Variants in SPRYD4 observed in about 807,000 individuals in gnomAD.
SPRYD4 encodes the protein SPRY domain-containing protein 4.
Under a neutral mutation model 16.6 loss-of-function variants are expected in SPRYD4, and 12 were observed. That is an observed-to-expected ratio of 0.72 (90% CI 0.46 to 1.17). SPRYD4 has a LOEUF of 1.17. Ranked by LOEUF, SPRYD4 falls within the 50% of genes most tolerant of loss-of-function variation. The pLI is 0.00. For missense variants in SPRYD4, 260 were observed against 260.2 expected, an observed-to-expected ratio of 1.00 and a Z score of 0.00; for synonymous variants, 98 against 105.4, an observed-to-expected ratio of 0.93 and a Z score of 0.43.
Position 56,479,622 on chromosome 12 carries a change from G to A in SPRYD4, c.*10045G>A. The A allele has an allele frequency of 1.2e-6, 1 of 841,772 alleles. No individual in the cohort carries two copies. Among genetic ancestry groups the A allele is most frequent in the Non-Finnish European group, 1.7e-6 (1 of 594,368 alleles). 52.1% of individuals were successfully genotyped at this position (841,772 alleles called of 1,614,324 possible). A position where few individuals can be genotyped will look rare whatever the true frequency, so the allele number is the denominator to read the frequency against. On this transcript the variant is annotated 3_prime_UTR_variant, in exon 2 of 2. Coordinates refer to ENST00000338146, the MANE Select transcript of SPRYD4 (RefSeq NM_207344.4). The stretch of plus-strand genomic sequence containing the variant: ...GAGAACATGTATTTCTATATTGTTT[G>A]AACTCTTATGATGAGTATTCATGTA...
In SPRYD4 at chr12:56,475,242, C is replaced by T. The variant is rs1442435680; in HGVS notation, c.*5665C>T. The T allele has an allele frequency of 6.3e-7, 1 of 1,583,454 alleles. No individual in the cohort carries two copies. The highest frequency in any genetic ancestry group is 8.5e-7 in the Non-Finnish European group (1 of 1,170,614). On this transcript the variant is annotated 3_prime_UTR_variant, in exon 2 of 2. Transcript: ENST00000338146. ...AAATGAACCCCTTTATAACTTCTCA[C>T]AGTAATATTAGAGGAAATTTCTGAA... is the stretch of plus-strand genomic sequence containing the variant.
rs1592269999 is a variant in SPRYD4, at chr12:56,469,805, C to T, written c.*228C>T. 5 of 570,508 alleles carry T rather than the reference C, an allele frequency of 8.8e-6. No individual in the cohort carries two copies. The East Asian group carries it at 1.5e-4, about 17-fold the overall frequency. The allele number at this position is 570,508 out of a possible 1,614,324, so 35.3% of individuals were successfully genotyped here. A position where few individuals can be genotyped will look rare whatever the true frequency, so the allele number is the denominator to read the frequency against. On this transcript the variant is annotated 3_prime_UTR_variant, in exon 2 of 2. Transcript: ENST00000338146. ...AACTACTGCCAATTTCCTAGGCTAC[C>T]ATGGGTGTATCTTCCTTGACCTGCT...
In SPRYD4 at chr12:56,473,917, GATAA is replaced by G. The variant is rs1003394894; in HGVS notation, c.*4344_*4347del. On this transcript the variant is annotated 3_prime_UTR_variant, in exon 2 of 2. Coordinates refer to ENST00000338146, the MANE Select transcript of SPRYD4 (RefSeq NM_207344.4). ...GACACGTAATGTTTAAAGTAATTGT[GATAA>G]ATAGTGAGAAGTAGGGTGCTGTAAA... 8.0e-5 allele frequency: 18 copies of G among 226,296 alleles called. No individual in the cohort carries two copies. Among genetic ancestry groups the G allele is most frequent in the African/African-American group, 3.0e-4 (13 of 43,620 alleles). 14.0% of individuals were successfully genotyped at this position (226,296 alleles called of 1,614,324 possible).
At chr12:56,468,806 C>A in intron 1 of SPRYD4, 130 bp downstream of exon 1, 1 of 1,126,888 alleles carries the variant, frequency 8.9e-7, no homozygotes, top group South Asian at 1.4e-5. Context: ...TCTTAAGATT[C>A]CAAACCTGTG....
chr12:56,474,875 T>A lies in SPRYD4; in HGVS notation c.*5298T>A. On this transcript the variant is annotated 3_prime_UTR_variant, in exon 2 of 2. Coordinates refer to ENST00000338146, the MANE Select transcript of SPRYD4 (RefSeq NM_207344.4). Reference sequence around the variant, plus strand: ...AAGTAGAGATCAAGGGCAGCCATCATGTCCACCCCCTTAGGAAAGCACTGC... The same window carrying A: ...AAGTAGAGATCAAGGGCAGCCATCAAGTCCACCCCCTTAGGAAAGCACTGC... The A allele has an allele frequency of 1.9e-6, 3 of 1,614,176 alleles. No individual in the cohort carries two copies. Among genetic ancestry groups the A allele is most frequent in the Non-Finnish European group, 2.5e-6 (3 of 1,180,028 alleles).
Position 56,478,059 on chromosome 12 carries a change from G to A in SPRYD4, c.*8482G>A, listed in dbSNP as rs1347934401. ...TAGGTGAGGGGCTTCACACAGGACTGCAGGCAGAAGGGGATCTTTGTGTGG... is the reference window on the plus strand; with the variant it reads ...TAGGTGAGGGGCTTCACACAGGACTACAGGCAGAAGGGGATCTTTGTGTGG... On this transcript the variant is annotated 3_prime_UTR_variant, in exon 2 of 2. Transcript: ENST00000338146. 6.2e-7 allele frequency: 1 copy of A among 1,614,222 alleles called. No individual in the cohort carries two copies. Among genetic ancestry groups the A allele is most frequent in the African/African-American group, 1.3e-5 (1 of 75,076 alleles).
chr12:56,471,357 C>A lies in SPRYD4; in HGVS notation c.*1780C>A. 9.9e-7 allele frequency: 1 copy of A among 1,009,774 alleles called. No individual in the cohort carries two copies. The highest frequency in any genetic ancestry group is 1.4e-6 in the Non-Finnish European group (1 of 707,608). 62.6% of individuals were successfully genotyped at this position (1,009,774 alleles called of 1,614,324 possible). A position where few individuals can be genotyped will look rare whatever the true frequency, so the allele number is the denominator to read the frequency against. Reference sequence around the variant, plus strand: ...TTTGACTCCCATAGAAAGCACTAGCCTAAGTCACCAAATGACTGCTTGGTC... The same window carrying A: ...TTTGACTCCCATAGAAAGCACTAGCATAAGTCACCAAATGACTGCTTGGTC... On this transcript the variant is annotated 3_prime_UTR_variant, in exon 2 of 2. Transcript: ENST00000338146.
Position 56,473,317 on chromosome 12 carries a change from A to G in SPRYD4, c.*3740A>G, listed in dbSNP as rs1393043423. The G allele has an allele frequency of 3.0e-5, 48 of 1,614,158 alleles. No homozygotes were observed. Among genetic ancestry groups the G allele is most frequent in the Non-Finnish European group, 4.0e-5 (47 of 1,180,030 alleles). ...TTGTGGAAATTGAAGAGAGACACCAACTTCTAGAATTGTAAGCCAAATATA... is the reference window on the plus strand; with the variant it reads ...TTGTGGAAATTGAAGAGAGACACCAGCTTCTAGAATTGTAAGCCAAATATA... On this transcript the variant is annotated 3_prime_UTR_variant, in exon 2 of 2. Coordinates refer to ENST00000338146, the MANE Select transcript of SPRYD4 (RefSeq NM_207344.4).
chr12:56,469,040 C>A lies in SPRYD4; in HGVS notation c.87C>A (p.Gly29=). The A allele has an allele frequency of 6.4e-7, 1 of 1,558,172 alleles. No homozygotes were observed. Among genetic ancestry groups the A allele is most frequent in the Non-Finnish European group, 8.7e-7 (1 of 1,152,066 alleles). The stretch of plus-strand genomic sequence containing the variant: ...CCCGTCTTTTTGCTCTGCCCGCAGG[C>A]GTCAGTTTCAAACTGGAAGAAAAAA... ...LGVASTEAQR[G]VSFKLEEKTA... Residue 29 remains glycine (G), a splice_region_variant and synonymous_variant, in exon 2 of 2, where the codon GGC becomes GGA. Transcript: ENST00000338146.
rs1869138914 is a variant in SPRYD4, at chr12:56,469,352, C to A, written c.399C>A (p.Thr133=). 1 of 1,614,016 alleles carries A rather than the reference C, an allele frequency of 6.2e-7. No individual in the cohort carries two copies. Among genetic ancestry groups the A allele is most frequent in the Admixed American group, 1.7e-5 (1 of 60,002 alleles). The change falls in exon 2 of 2, where the codon ACC becomes ACA. Residue 133 remains threonine, a synonymous_variant. Coordinates refer to ENST00000338146, the MANE Select transcript of SPRYD4 (RefSeq NM_207344.4). ...VFTYAQRKWY[T]MLANEKAPVE... ...CCTATGCCCAGCGCAAGTGGTACACCATGTTGGCCAACGAGAAAGCCCCAG... is the reference window on the plus strand; with the variant it reads ...CCTATGCCCAGCGCAAGTGGTACACAATGTTGGCCAACGAGAAAGCCCCAG...
Position 56,479,222 on chromosome 12 carries a change from G to T in SPRYD4, c.*9645G>T. ...GATTGGATTAGGGGGCTAGAGAAAT[G>T]CAGCTGGGACTCACTCTGGAGCCAC... is the stretch of plus-strand genomic sequence containing the variant. On this transcript the variant is annotated 3_prime_UTR_variant, in exon 2 of 2. Transcript: ENST00000338146. 1 of 1,606,334 alleles carries T rather than the reference G, an allele frequency of 6.2e-7. No homozygotes were observed. The highest frequency in any genetic ancestry group is 8.5e-7 in the Non-Finnish European group (1 of 1,178,394).
At position 56,475,970 on chromosome 12, in the gene SPRYD4, C is replaced by T. The variant is rs754437848; in HGVS notation, c.*6393C>T. ...AAAATCAAACTTCTCTGCTTTGTTA[C>T]AGTCCATCTGCAGAGAAAGAGAGAG... On this transcript the variant is annotated 3_prime_UTR_variant, in exon 2 of 2. Coordinates refer to ENST00000338146, the MANE Select transcript of SPRYD4 (RefSeq NM_207344.4). 1 of 1,613,466 alleles carries T rather than the reference C, an allele frequency of 6.2e-7. No homozygotes were observed. Among genetic ancestry groups the T allele is most frequent in the Admixed American group, 1.7e-5 (1 of 60,012 alleles).
At position 56,474,330 on chromosome 12, in the gene SPRYD4, C is replaced by G. The variant is rs1218290311; in HGVS notation, c.*4753C>G. On this transcript the variant is annotated 3_prime_UTR_variant, in exon 2 of 2. Coordinates refer to ENST00000338146, the MANE Select transcript of SPRYD4 (RefSeq NM_207344.4). ...TCTCGAACTCCTGACCTCAGGTGAT[C>G]CACCTGCCTCGGCCTCCCAAAGACA... is the stretch of plus-strand genomic sequence containing the variant. 1.6e-5 allele frequency: 9 copies of G among 575,294 alleles called. No individual in the cohort carries two copies. The highest frequency in any genetic ancestry group is 2.1e-5 in the Non-Finnish European group (7 of 327,902). The allele number at this position is 575,294 out of a possible 1,614,324, so 35.6% of individuals were successfully genotyped here. A position where few individuals can be genotyped will look rare whatever the true frequency, so the allele number is the denominator to read the frequency against.
chr12:56,472,230 G>C lies in SPRYD4; in HGVS notation c.*2653G>C. ...GTGGGAAAGCAGCTAGAGTTGCCTA[G>C]ATCAGACTGGAATCACAGGTGTTCT... On this transcript the variant is annotated 3_prime_UTR_variant, in exon 2 of 2. Transcript: ENST00000338146. 1 of 1,586,432 alleles carries C rather than the reference G, an allele frequency of 6.3e-7. No homozygotes were observed. Among genetic ancestry groups the C allele is most frequent in the Non-Finnish European group, 8.7e-7 (1 of 1,155,134 alleles).
Position 56,479,678 on chromosome 12 carries a change from G to T in SPRYD4, c.*10101G>T. On this transcript the variant is annotated 3_prime_UTR_variant, in exon 2 of 2. Transcript: ENST00000338146. ...TATGTAATAAGTAATAAAATAAAAT[G>T]AGGAATTGAACTATACAATTCCCAA... 1 of 1,277,486 alleles carries T rather than the reference G, an allele frequency of 7.8e-7. No individual in the cohort carries two copies. Among genetic ancestry groups the T allele is most frequent in the Non-Finnish European group, 1.0e-6 (1 of 964,244 alleles). 79.1% of individuals were successfully genotyped at this position (1,277,486 alleles called of 1,614,324 possible).
chr12:56,468,883 C>T (rs879427362), intron 1 of SPRYD4, 156 bp from the exon 2 acceptor site: 2 of 1,077,052 alleles, frequency 1.9e-6, no homozygotes, highest in Non-Finnish European at 2.6e-6. Flanking sequence ...GTGAGCTATC[C>T]GTAGTAAAGC....
In SPRYD4 at chr12:56,479,574, AG is replaced by A. The variant is rs1172226760; in HGVS notation, c.*10000del. 5.5e-6 allele frequency: 3 copies of A among 549,930 alleles called. No individual in the cohort carries two copies. The highest frequency in any genetic ancestry group is 5.7e-6 in the Non-Finnish European group (2 of 348,692). 34.1% of individuals were successfully genotyped at this position (549,930 alleles called of 1,614,324 possible). A position where few individuals can be genotyped will look rare whatever the true frequency, so the allele number is the denominator to read the frequency against. ...ATATTTACTTCTGGGAAAAGAGGAC[AG>A]GGATTGAGTAGGGAGGGAAAGGAGA... is the stretch of plus-strand genomic sequence containing the variant. On this transcript the variant is annotated 3_prime_UTR_variant, in exon 2 of 2. Transcript: ENST00000338146.
rs188512388 is a variant in SPRYD4 at position 56,472,535 on chromosome 12, A to G, written c.*2958A>G. 1.3e-3 allele frequency: 888 copies of G among 677,694 alleles called. No individual in the cohort carries two copies. The highest frequency in any genetic ancestry group is 3.0e-3 in the Admixed American group (102 of 34,204). 42.0% of individuals were successfully genotyped at this position (677,694 alleles called of 1,614,324 possible). A position where few individuals can be genotyped will look rare whatever the true frequency, so the allele number is the denominator to read the frequency against. ...GAGCAGACAGTTTACTTTTTTTAAAAAAAATCTCCTTTTTTAAAAAAATTT... is the reference window on the plus strand; with the variant it reads ...GAGCAGACAGTTTACTTTTTTTAAAGAAAATCTCCTTTTTTAAAAAAATTT... On this transcript the variant is annotated 3_prime_UTR_variant, in exon 2 of 2. Coordinates refer to ENST00000338146, the MANE Select transcript of SPRYD4 (RefSeq NM_207344.4).
In SPRYD4 at chr12:56,477,459, G is replaced by A. The variant is rs1869921173; in HGVS notation, c.*7882G>A. The A allele has an allele frequency of 5.6e-6, 3 of 531,588 alleles. No homozygotes were observed. The Admixed American group carries it at 9.9e-5, about 18-fold the overall frequency. The allele number at this position is 531,588 out of a possible 1,614,324, so 32.9% of individuals were successfully genotyped here. On this transcript the variant is annotated 3_prime_UTR_variant, in exon 2 of 2. Coordinates refer to ENST00000338146, the MANE Select transcript of SPRYD4 (RefSeq NM_207344.4). Reference sequence around the variant, plus strand: ...GGGGCAGGGAACAGTACTGAGTGGGGATGACGGAGGTGGTGCAGTCTCTTA... The same window carrying A: ...GGGGCAGGGAACAGTACTGAGTGGGAATGACGGAGGTGGTGCAGTCTCTTA...
Sources: gnomAD v4.1 joint callset for allele counts on GRCh38, gnomAD v4.1.1 for gene constraint, MANE v1.5 for transcripts, NCBI Gene and HGNC (gene_info 2026-07-23, HGNC 2026-07-21) for gene names.